Variants in UNC79 observed in about 807,000 individuals in gnomAD.
UNC79 encodes protein unc-79 homolog.
Under a neutral mutation model 283.1 loss-of-function variants are expected in UNC79, and 37 were observed. The observed-to-expected ratio is 0.13, with a 90% CI of 0.10 to 0.17. The LOEUF is 0.17. Among genes scored for constraint, UNC79 ranks in the 10% least tolerant of loss-of-function variants. UNC79 has a pLI of 1.00. For missense variants in UNC79, 2,272 were observed against 3,211.1 expected (o/e 0.71, Z 7.07); for synonymous variants, 1,107 against 1,200.2 (o/e 0.92, Z 1.61).
Position 93,655,423 on chromosome 14 carries a change from G to A in UNC79, c.6456+16G>A. ...ACCTCTGAAGGTAAGCTGAGCCGAAGGTTTCATTTTCAATTAATTTCTTAC... is the reference window on the plus strand; with the variant it reads ...ACCTCTGAAGGTAAGCTGAGCCGAAAGTTTCATTTTCAATTAATTTCTTAC... On this transcript the variant is annotated intron_variant, in intron 38 of 48. Coordinates refer to ENST00000555664, the Ensembl canonical transcript of UNC79. 6.2e-7 allele frequency: 1 copy of A among 1,608,234 alleles called. No homozygotes were observed. The highest frequency in any genetic ancestry group is 8.5e-7 in the Non-Finnish European group (1 of 1,176,738).
At chr14:93,679,913 T>A (rs767045306) in intron 41 of UNC79, among the ~76,000 whole-genome samples, 2 of 152,188 alleles carry the variant, frequency 1.3e-5, no homozygotes, top group Non-Finnish European at 2.9e-5. Flanking sequence ...CTCTATAACA[T>A]CATAATAGAT....
chr14:93,409,880 C>T (rs1213330875), intron 1 of UNC79, among the ~76,000 whole-genome samples: 1 of 152,100 alleles, frequency 6.6e-6, no homozygotes, highest in Non-Finnish European at 1.5e-5. Context: ...CTAAAATTTA[C>T]ATGAGTAGAA....
At chr14:93,476,472 T>C (rs2057805849) in intron 3 of UNC79, among the ~76,000 whole-genome samples, 1 of 152,208 alleles carries the variant, frequency 6.6e-6, no homozygotes, top group Non-Finnish European at 1.5e-5. Context: ...TTTCATTCAT[T>C]TGAGCTCAAG....
At chr14:93,407,710 A>C (rs2055255231) in intron 1 of UNC79, among the ~76,000 whole-genome samples, 1 of 152,196 alleles carries the variant, frequency 6.6e-6, no homozygotes, top group East Asian at 1.9e-4. Context: ...CTCAGTCCAG[A>C]AAATTTGGCC....
At chr14:93,615,869 A>C (rs920888822) in intron 27 of UNC79, among the ~76,000 whole-genome samples, 2 of 152,042 alleles carry the variant, frequency 1.3e-5, no homozygotes, top group East Asian at 1.9e-4. Flanking sequence ...ACATTTTGGC[A>C]TATATTGCTC....
At chr14:93,394,693 C>T (rs1391690363) in intron 1 of UNC79, among the ~76,000 whole-genome samples, 1 of 151,962 alleles carries the variant, frequency 6.6e-6, no homozygotes, top group Non-Finnish European at 1.5e-5. Flanking sequence ...AGGCGTGAGC[C>T]ACTGCACCCG....
chr14:93,412,161 G>A (rs1432446499), intron 1 of UNC79, among the ~76,000 whole-genome samples: 1 of 152,170 alleles, frequency 6.6e-6, no homozygotes, highest in Admixed American at 6.5e-5. Context: ...ATGCATCAGA[G>A]TCTTTTAATA....
rs764289078 is a variant in UNC79, at chr14:93,686,679, T to C, written c.6909+18T>C. The C allele has an allele frequency of 1.6e-4, 253 of 1,613,594 alleles. No individual in the cohort carries two copies. Among genetic ancestry groups the C allele is most frequent in the Non-Finnish European group, 1.7e-6 (2 of 1,179,746 alleles). ...AACTGAAGGTGAGATGACCGCCACC[T>C]GCTCATCCCTCAGGTTCACAAAACA... On this transcript the variant is annotated intron_variant, in intron 43 of 48. Transcript: ENST00000555664.
intron 7 of UNC79, among the ~76,000 whole-genome samples, chr14:93,498,993 T>C (rs2140647807): frequency 6.6e-6 from 1 of 152,340 alleles, no homozygotes; most frequent in Middle Eastern, 3.4e-3. Flanking sequence ...TTTACAAAGG[T>C]GATTTGAGGT....
intron 1 of UNC79, among the ~76,000 whole-genome samples, chr14:93,378,243 A>G (rs1320788352): frequency 2.0e-5 from 3 of 152,196 alleles, no homozygotes; most frequent in Non-Finnish European, 1.5e-5. Context: ...GCTCACATGG[A>G]AAGGTGGGAA....
intron 1 of UNC79, among the ~76,000 whole-genome samples, chr14:93,403,091 T>A (rs2055144972): frequency 6.6e-6 from 1 of 152,216 alleles, no homozygotes; most frequent in Non-Finnish European, 1.5e-5. Context: ...TGCATTCTCT[T>A]GAGTCTTTGG....
chr14:93,655,205 G>GT (rs2070789755), intron 37 of UNC79, 29 bp from the exon 41 acceptor site: 2 of 1,610,082 alleles, frequency 1.2e-6, no homozygotes, highest in African/African-American at 1.3e-5. Context: ...TGTTTCAGCA[G>GT]TTGATGGCCT....
In UNC79 at chr14:93,361,909, T is replaced by A. The variant is rs74382396; in HGVS notation, c.-351+28386T>A. Among the ~76,000 whole-genome samples the A allele has an allele frequency of 3.6e-3, 549 of 152,344 alleles. 1 individual carries two copies. The highest frequency in any genetic ancestry group is 0.013 in the African/African-American group (528 of 41,578). On this transcript the variant is annotated intron_variant, in intron 1 of 49. Coordinates refer to the UNC79 transcript ENST00000256339. The stretch of plus-strand genomic sequence containing the variant: ...TGAGGATATTTAACATGAAGGGGTG[T>A]TGAATTTTATCAAAAGCCTTTTTTG...
chr14:93,649,872 T>G (rs1368446072), intron 35 of UNC79, among the ~76,000 whole-genome samples: 1 of 152,242 alleles, frequency 6.6e-6, no homozygotes, highest in Non-Finnish European at 1.5e-5. Flanking sequence ...AAGTGTTTAT[T>G]CCTTGAGTTT....
chr14:93,516,628 G>T (rs1004657544), intron 7 of UNC79, among the ~76,000 whole-genome samples: 1 of 151,934 alleles, frequency 6.6e-6, no homozygotes, highest in African/African-American at 2.4e-5. Context: ...TGTATTTTTA[G>T]TAGAGATGAG....
chr14:93,404,493 A>AAAAAAAAAAAAT lies in UNC79; in HGVS notation c.-350-63177_-350-63176insAAAAAAAAAATA. Among the ~76,000 whole-genome samples, 46 of 61,496 alleles carry AAAAAAAAAAAAT rather than the reference A, an allele frequency of 7.5e-4. 2 individuals carry two copies. The highest frequency in any genetic ancestry group is 2.6e-3 in the African/African-American group (39 of 15,004). 40.3% of individuals were successfully genotyped at this position (61,496 alleles called of 152,430 possible). On this transcript the variant is annotated intron_variant, in intron 1 of 49. Coordinates refer to the UNC79 transcript ENST00000256339. ...TGACAGAGTGAGACCTTCTAAAAAA[A>AAAAAAAAAAAAT]ATATATATATATATATATATAAATA...
intron 41 of UNC79, among the ~76,000 whole-genome samples, chr14:93,681,082 C>T (rs2073810046): frequency 6.6e-6 from 1 of 152,186 alleles, no homozygotes; most frequent in Non-Finnish European, 1.5e-5. Context: ...TAGGTGTTCC[C>T]AGGATGTTAC....
At chr14:93,683,502 G>C (rs780066653) in intron 42 of UNC79, among the ~76,000 whole-genome samples, 1 of 152,174 alleles carries the variant, frequency 6.6e-6, no homozygotes, top group South Asian at 2.1e-4. Flanking sequence ...TGTGGGCCAA[G>C]GAAGAAGACA....
chr14:93,482,583 A>G (rs1566979713), intron 4 of UNC79, among the ~76,000 whole-genome samples: 3 of 152,174 alleles, frequency 2.0e-5, no homozygotes, highest in Non-Finnish European at 4.4e-5. Flanking sequence ...GGCAGAATAC[A>G]GGAAATGGTT....
Sources: gnomAD v4.1 joint callset for allele counts (sites outside exome capture counted in the v4.1 genomes callset) on GRCh38, gnomAD v4.1.1 for gene constraint, MANE v1.5 for transcripts, NCBI Gene and HGNC (gene_info 2026-07-23, HGNC 2026-07-21) for gene names.